Variants in ADGRE3 observed in about 807,000 individuals in gnomAD.
ADGRE3 encodes the protein EGF-like module receptor 3.
Under a neutral mutation model 80.1 loss-of-function variants are expected in ADGRE3, and 88 were observed. The ratio of observed to expected loss-of-function variants is 1.10; its 90% CI spans 0.93 to 1.31. ADGRE3 has a LOEUF of 1.31. Among genes scored for constraint, ADGRE3 ranks in the 40% most tolerant of loss-of-function variants. The pLI is 0.00. For missense variants in ADGRE3, 715 were observed against 776.5 expected (o/e 0.92, Z 0.94); for synonymous variants, 281 against 294.8 (o/e 0.95, Z 0.48).
At position 14,647,578 on chromosome 19, in the gene ADGRE3, G is replaced by A. The variant is rs556126379; in HGVS notation, c.698-213C>T. 4.4e-4 allele frequency among the ~76,000 whole-genome samples: 67 copies of A among 151,362 alleles called. 1 individual carries two copies. The Middle Eastern group carries it at 0.01, about 23-fold the overall frequency. On this transcript the variant is annotated intron_variant, in intron 7 of 15. Transcript: ENST00000253673. ...ATTACAGGCACTCACCACCATGCCT[G>A]GCTAATTTTTTGTCTTTTTAGTAGA...
At chr19:14,656,057 A>G (rs950007592) in intron 5 of ADGRE3, among the ~76,000 whole-genome samples, 1 of 151,956 alleles carries the variant, frequency 6.6e-6, no homozygotes, top group Non-Finnish European at 1.5e-5. Flanking sequence ...AAAGAAAAAG[A>G]AAAGAGGGCA....
At chr19:14,617,042 G>A (rs1233126766), downstream of ADGRE3, among the ~76,000 whole-genome samples, 3 of 151,788 alleles carry the variant, frequency 2.0e-5, no homozygotes, top group South Asian at 2.1e-4. Context: ...TGAACCACCC[G>A]CCTTGGCCTC....
chr19:14,624,241 T>A (rs1264753574), intron 15 of ADGRE3, among the ~76,000 whole-genome samples: 1 of 152,176 alleles, frequency 6.6e-6, no homozygotes, highest in South Asian at 2.1e-4. Context: ...ATTACAGGCA[T>A]GTGCCACCAT....
At chr19:14,640,417 G>T (rs570675326) in intron 10 of ADGRE3, among the ~76,000 whole-genome samples, 1,560 of 152,100 alleles carry the variant, frequency 0.01, 17 homozygotes, top group Non-Finnish European at 0.016. Flanking sequence ...AGCCTCCCAA[G>T]TAGCTGGGAT....
the ADGRE3 span, chr19:14,600,212 C>T: frequency 6.2e-7 from 1 of 1,608,158 alleles, no homozygotes; most frequent in Non-Finnish European, 8.5e-7. Flanking sequence ...CCTTTGAGAA[C>T]CTTCAGGGAC....
chr19:14,650,500 C>T (rs1971563438), intron 7 of ADGRE3, among the ~76,000 whole-genome samples: 1 of 151,704 alleles, frequency 6.6e-6, no homozygotes, highest in South Asian at 2.1e-4. Context: ...CCATCTCTCT[C>T]TTCCCATCTG....
chr19:14,635,958 T>G (rs1293173484), intron 11 of ADGRE3, among the ~76,000 whole-genome samples: 2 of 149,852 alleles, frequency 1.3e-5, no homozygotes, highest in African/African-American at 4.9e-5. Flanking sequence ...CTTTTTTTGG[T>G]TTGCAAACCA....
rs199670503 is a variant in ADGRE3, at chr19:14,625,520, T to A, written c.1892A>T (p.Lys631Met). Residue 631 changes from lysine to methionine, a missense_variant, in exon 15 of 16, where the codon AAG (lysine) becomes ATG (methionine). Physicochemically the swap from Lys to Met is moderately conservative, Grantham distance 95 (BLOSUM62 -1). Transcript: ENST00000253673. ...ACTGGGTTTTGAGTCAGGACCCATC[T>A]TGCTGGAAAGTGTGTATGTCTCAGA... ...SESETYTLSSKMGPDSKPSEG... is the reference protein window; with the variant it reads ...SESETYTLSSMMGPDSKPSEG... 7.4e-6 allele frequency: 12 copies of A among 1,613,164 alleles called. No homozygotes were observed. The East Asian group carries it at 2.7e-4, about 36-fold the overall frequency.
chr19:14,627,453 C>T (rs948771975), intron 14 of ADGRE3, among the ~76,000 whole-genome samples: 1 of 152,190 alleles, frequency 6.6e-6, no homozygotes, highest in African/African-American at 2.4e-5. Context: ...TCTCAGCTCA[C>T]TGCAACCTCT....
chr19:14,641,344 A>G, intron 10 of ADGRE3, 75 bp downstream of exon 10: 1 of 1,565,198 alleles, frequency 6.4e-7, no homozygotes, highest in East Asian at 2.2e-5. Flanking sequence ...TTATTAAGGA[A>G]TCTAGTGCAG....
intron 15 of ADGRE3, among the ~76,000 whole-genome samples, chr19:14,620,568 A>ATATATTTT (rs1435435269): frequency 4.5e-4 from 5 of 11,060 alleles, no homozygotes; most frequent in African/African-American, 8.2e-4. Context: ...ATATATATAT[A>ATATATTTT]TTTTTTTTTT....
intron 2 of ADGRE3, among the ~76,000 whole-genome samples, chr19:14,667,632 TTGAACAAC>T (rs985373426): frequency 2.4e-4 from 36 of 151,610 alleles, no homozygotes; most frequent in African/African-American, 7.0e-4. Context: ...TAGTTGGGAG[TTGAACAAC>T]GAGAACATTT....
intron 10 of ADGRE3, among the ~76,000 whole-genome samples, chr19:14,638,658 G>A (rs975438767): frequency 1.3e-5 from 2 of 152,060 alleles, no homozygotes; most frequent in African/African-American, 4.8e-5. Context: ...CCTTCAACCT[G>A]CCCTTGGGAC....
intron 7 of ADGRE3, among the ~76,000 whole-genome samples, chr19:14,648,851 T>C (rs1971490684): frequency 6.6e-6 from 1 of 152,106 alleles, no homozygotes; most frequent in South Asian, 2.1e-4. Flanking sequence ...CCCTGCAGAT[T>C]TTGGACATGT....
At chr19:14,648,048 C>T (rs1004270937) in intron 7 of ADGRE3, among the ~76,000 whole-genome samples, 1 of 146,358 alleles carries the variant, frequency 6.8e-6, no homozygotes, top group Non-Finnish European at 1.5e-5. Flanking sequence ...CGCCACTGCA[C>T]TCCAGTCTGG....
chr19:14,636,860 G>A (rs1395972050), intron 11 of ADGRE3, among the ~76,000 whole-genome samples: 5 of 152,206 alleles, frequency 3.3e-5, no homozygotes, highest in East Asian at 1.9e-4. Context: ...TTGGGAGGCC[G>A]AGGTGCATGG....
intron 8 of ADGRE3, among the ~76,000 whole-genome samples, chr19:14,645,173 A>G (rs1284015987): frequency 6.6e-6 from 1 of 151,404 alleles, no homozygotes; most frequent in Admixed American, 6.6e-5. Flanking sequence ...CCATGGGAGG[A>G]AAAAAACAAA....
chr19:14,654,557 G>A (rs535635466), intron 6 of ADGRE3, among the ~76,000 whole-genome samples: 3 of 152,220 alleles, frequency 2.0e-5, no homozygotes, highest in Admixed American at 6.5e-5. Context: ...GAGCCATCAT[G>A]CCTGGTCCTC....
In ADGRE3 at chr19:14,638,185, G is replaced by A. The variant is rs779570553; in HGVS notation, c.1404C>T (p.Phe468=). 1.4e-5 allele frequency: 22 copies of A among 1,614,016 alleles called. No individual in the cohort carries two copies. Among genetic ancestry groups the A allele is most frequent in the Middle Eastern group, 1.6e-4 (1 of 6,084 alleles). Residue 468 remains phenylalanine (F), a synonymous_variant, in exon 11 of 16, where the codon TTC becomes TTT. Transcript: ENST00000253673. ...CAGCGGGAACGCCATAGCCGACTGG[G>A]AACATGATCCACTTCATGAGTCTAT... ...SINRLMKWIM[F]PVGYGVPAVT... is the part of the protein sequence containing the mutation.
Sources: gnomAD v4.1 joint callset for allele counts (sites outside exome capture counted in the v4.1 genomes callset) on GRCh38, gnomAD v4.1.1 for gene constraint, MANE v1.5 for transcripts, NCBI Gene and HGNC (gene_info 2026-07-23, HGNC 2026-07-21) for gene names.